DAB1: variants seen among roughly 807,000 people sequenced by gnomAD.
The protein encoded by DAB1 is DAB adaptor protein 1.
Under a neutral mutation model 64.6 loss-of-function variants are expected in DAB1, and 15 were observed. The ratio of observed to expected loss-of-function variants is 0.23; its 90% confidence interval spans 0.16 to 0.36. DAB1 has a LOEUF of 0.36. Ranked by LOEUF, DAB1 falls within the 10% of genes least tolerant of loss-of-function variation. The pLI is 1.00. For missense variants in DAB1, 596 were observed against 706.7 expected, an observed-to-expected ratio of 0.84 and a Z score of 1.78; for synonymous variants, 235 against 251.9, an observed-to-expected ratio of 0.93 and a Z score of 0.64.
chr1:57,493,610 A>G (rs1644192646), intron 7 of DAB1, among the ~76,000 whole-genome samples: 1 of 152,108 alleles, frequency 6.6e-6, no homozygotes, highest in African/African-American at 2.4e-5. Flanking sequence ...GTATGGATGG[A>G]GCTGTGTATT....
At chr1:58,209,245 C>T (rs1172963312) in intron 4 of DAB1, among the ~76,000 whole-genome samples, 1 of 152,100 alleles carries the variant, frequency 6.6e-6, no homozygotes, top group Non-Finnish European at 1.5e-5. Flanking sequence ...TAGTTATAAC[C>T]CACTAGAATC....
Position 58,364,700 on chromosome 1 carries a change from T to C in DAB1, n.258-21297A>G, listed in dbSNP as rs1161763743. Among the ~76,000 whole-genome samples, 5 of 152,244 alleles carry C rather than the reference T, an allele frequency of 3.3e-5. No homozygotes were observed. In the East Asian group the frequency reaches 9.6e-4, roughly 29 times the overall value. On this transcript the variant is annotated intron_variant and non_coding_transcript_variant, in intron 3 of 20. Coordinates refer to the DAB1 transcript ENST00000485760. ...GGGAAGAGAGGAGAGAGAAGATGTGTCTGTATTTATATACATGTGTGTATG... is the reference window on the plus strand; with the variant it reads ...GGGAAGAGAGGAGAGAGAAGATGTGCCTGTATTTATATACATGTGTGTATG...
At chr1:57,861,770 T>C (rs933863337) in intron 1 of DAB1, among the ~76,000 whole-genome samples, 2 of 148,852 alleles carry the variant, frequency 1.3e-5, no homozygotes, top group African/African-American at 4.9e-5. Flanking sequence ...AGTATATATG[T>C]ATATTTTATA....
chr1:57,496,367 T>C (rs1178053558), intron 7 of DAB1, among the ~76,000 whole-genome samples: 1 of 152,158 alleles, frequency 6.6e-6, no homozygotes, highest in Non-Finnish European at 1.5e-5. Context: ...AAACTCTCTC[T>C]TGGTCTCAGT....
intron 3 of DAB1, among the ~76,000 whole-genome samples, chr1:58,453,046 G>A (rs1314957357): frequency 2.6e-5 from 4 of 152,168 alleles, no homozygotes; most frequent in African/African-American, 7.2e-5. Flanking sequence ...TTATCCATAC[G>A]ATGGGATACT....
At chr1:58,528,730 C>T (rs1646388819) in intron 1 of DAB1, among the ~76,000 whole-genome samples, 2 of 152,154 alleles carry the variant, frequency 1.3e-5, no homozygotes, top group Non-Finnish European at 2.9e-5. Context: ...AACAGATGAA[C>T]CTCAGCAATT....
At chr1:58,412,224 G>GCTAA (rs940241337) in intron 3 of DAB1, among the ~76,000 whole-genome samples, 1 of 152,160 alleles carries the variant, frequency 6.6e-6, no homozygotes, top group Admixed American at 6.5e-5. Context: ...GAGGAACAGT[G>GCTAA]CTAAGTAGGG....
At chr1:57,613,153 G>A (rs894797186) in intron 7 of DAB1, among the ~76,000 whole-genome samples, 1 of 152,226 alleles carries the variant, frequency 6.6e-6, no homozygotes, top group Non-Finnish European at 1.5e-5. Context: ...AAATTGGAAT[G>A]TGTGTAATGT....
intron 7 of DAB1, among the ~76,000 whole-genome samples, chr1:57,498,673 G>A (rs954841945): frequency 5.9e-5 from 9 of 152,182 alleles, no homozygotes; most frequent in Non-Finnish European, 1.2e-4. Flanking sequence ...AGAATAACAC[G>A]ATTTGTAATG....
At chr1:57,884,773 C>T (rs762543432), upstream of DAB1, among the ~76,000 whole-genome samples, 36 of 152,156 alleles carry the variant, frequency 2.4e-4, no homozygotes, top group Admixed American at 5.2e-4. Flanking sequence ...GTTTGGGTCA[C>T]GTGGGTGGAT....
At chr1:57,660,274 C>A (rs910185656) in intron 6 of DAB1, among the ~76,000 whole-genome samples, 34 of 152,064 alleles carry the variant, frequency 2.2e-4, no homozygotes, top group Non-Finnish European at 8.8e-5. Context: ...AATAAATAAG[C>A]TCACAGAGCA....
chr1:58,304,359 C>A (rs753706404), intron 4 of DAB1, among the ~76,000 whole-genome samples: 16 of 152,280 alleles, frequency 1.1e-4, no homozygotes, highest in African/African-American at 3.4e-4. Context: ...TTCCTAATTT[C>A]TTCAGCCATT....
At chr1:57,939,850 C>T (rs1645077869) in intron 5 of DAB1, among the ~76,000 whole-genome samples, 1 of 152,176 alleles carries the variant, frequency 6.6e-6, no homozygotes, top group Non-Finnish European at 1.5e-5. Flanking sequence ...TAGGGCCAAG[C>T]CTGTATTCTT....
intron 6 of DAB1, among the ~76,000 whole-genome samples, chr1:57,675,944 C>A (rs1028233031): frequency 6.6e-6 from 1 of 152,078 alleles, no homozygotes; most frequent in Non-Finnish European, 1.5e-5. Context: ...GACAGCTAAG[C>A]CAGTAGCAAA....
intron 4 of DAB1, among the ~76,000 whole-genome samples, chr1:58,235,869 T>G (rs757740655): frequency 4.6e-5 from 7 of 152,252 alleles, no homozygotes; most frequent in Non-Finnish European, 7.4e-5. Flanking sequence ...GCCATTGACA[T>G]CCCAAAGAGA....
intron 1 of DAB1, chr1:58,534,186 G>C: frequency 1.1e-6 from 1 of 871,502 alleles, no homozygotes; most frequent in South Asian, 1.3e-5. Flanking sequence ...AATAATTGGG[G>C]AATCAACCAC....
intron 2 of DAB1, among the ~76,000 whole-genome samples, chr1:57,187,986 C>T (rs1663755158): frequency 6.6e-6 from 1 of 152,114 alleles, no homozygotes; most frequent in East Asian, 1.9e-4. Flanking sequence ...GCAGCAATCC[C>T]CTCCCCGCTG....
intron 1 of DAB1, among the ~76,000 whole-genome samples, chr1:57,406,303 T>G (rs1355486047): frequency 1.3e-5 from 2 of 152,208 alleles, no homozygotes; most frequent in Admixed American, 1.3e-4. Flanking sequence ...CCTCCCTTAC[T>G]CTTACTCTGG....
intron 6 of DAB1, among the ~76,000 whole-genome samples, chr1:57,797,082 G>A (rs960883850): frequency 1.1e-4 from 16 of 152,256 alleles, no homozygotes; most frequent in African/African-American, 2.4e-4. Flanking sequence ...ATAAAAACAC[G>A]GTGCCATCAA....
Sources: gnomAD v4.1 joint callset for allele counts (sites outside exome capture counted in the v4.1 genomes callset) on GRCh38, gnomAD v4.1.1 for gene constraint, MANE v1.5 for transcripts, NCBI Gene and HGNC (gene_info 2026-07-23, HGNC 2026-07-21) for gene names.